Variants in TNN observed in about 807,000 individuals in gnomAD.
TNN encodes the protein tenascin-N.
A neutral mutation model predicts 134.4 loss-of-function variants in TNN; 122 were observed. The ratio of observed to expected loss-of-function variants is 0.91; its 90% confidence interval spans 0.78 to 1.06. The LOEUF (loss-of-function observed/expected upper bound fraction) is 1.06. Among genes scored for constraint, TNN ranks in the 50% least tolerant of loss-of-function variants. The pLI, the probability that TNN is intolerant of heterozygous loss-of-function variation, is 0.00. For missense variants in TNN, 1,739 were observed against 1,699.4 expected, an observed-to-expected ratio of 1.02 and a Z score of -0.41; for synonymous variants, 710 against 670.3, an observed-to-expected ratio of 1.06 and a Z score of -0.91.
chr1:175,087,600 C>A (rs1674347131), intron 6 of TNN, among the ~76,000 whole-genome samples: 1 of 152,220 alleles, frequency 6.6e-6, no homozygotes, highest in African/African-American at 2.4e-5. Context: ...CTTACACAGT[C>A]AACACAACAC....
At chr1:175,083,227 G>A (rs1164427297) in intron 4 of TNN, among the ~76,000 whole-genome samples, 2 of 152,190 alleles carry the variant, frequency 1.3e-5, no homozygotes, top group African/African-American at 4.8e-5. Context: ...AATTTGAGAG[G>A]CAAGGGCTGC....
At position 175,079,541 on chromosome 1, in the gene TNN, C is replaced by G. The variant is rs752100266; in HGVS notation, c.618C>G (p.Cys206Trp). ...GCTACCCGGCCTGCCCTGAGAACTGCAGCGGACACGGCGAGTGCGTGCGCG... is the reference window on the plus strand; with the variant it reads ...GCTACCCGGCCTGCCCTGAGAACTGGAGCGGACACGGCGAGTGCGTGCGCG... ...DCGYPACPEN[C>W]SGHGECVRGV... is the part of the protein sequence containing the mutation. The change falls in exon 3 of 19, where the codon TGC (cysteine) becomes TGG (tryptophan). Residue 206 changes from cysteine (C) to tryptophan (W), a missense_variant. By Grantham distance (215) the Cys-to-Trp change is radical (BLOSUM62 -2). Coordinates refer to ENST00000239462, the MANE Select transcript of TNN (RefSeq NM_022093.2). The G allele has an allele frequency of 1.9e-6, 3 of 1,568,866 alleles. No homozygotes were observed. Among genetic ancestry groups the G allele is most frequent in the Non-Finnish European group, 2.6e-6 (3 of 1,158,230 alleles).
chr1:175,081,736 A>G (rs933016862), intron 4 of TNN, among the ~76,000 whole-genome samples: 5 of 152,166 alleles, frequency 3.3e-5, no homozygotes, highest in African/African-American at 9.7e-5. Flanking sequence ...ACTGCACACT[A>G]TGGGGGACCA....
At chr1:175,122,692 G>A (rs1227748685) in intron 11 of TNN, among the ~76,000 whole-genome samples, 1 of 152,230 alleles carries the variant, frequency 6.6e-6, no homozygotes, top group Non-Finnish European at 1.5e-5. Flanking sequence ...GATGCAAACA[G>A]GATTGATTGG....
At chr1:175,069,858 T>C (rs527402008) in intron 1 of TNN, among the ~76,000 whole-genome samples, 1 of 152,340 alleles carries the variant, frequency 6.6e-6, no homozygotes, top group Admixed American at 6.5e-5. Flanking sequence ...AACGCTCTCC[T>C]CCTTGCTAGA....
chr1:175,142,809 C>T (rs1022016153), intron 17 of TNN, among the ~76,000 whole-genome samples: 3 of 151,934 alleles, frequency 2.0e-5, no homozygotes, highest in South Asian at 2.1e-4. Flanking sequence ...GTAGAGACGG[C>T]GTTTCACCAT....
intron 1 of TNN, among the ~76,000 whole-genome samples, chr1:175,072,169 T>G (rs1176956597): frequency 6.6e-6 from 1 of 152,178 alleles, no homozygotes; most frequent in Admixed American, 6.5e-5. Flanking sequence ...TGGTCAGTCG[T>G]GTACTCCTCA....
chr1:175,081,058 G>T (rs1674189268), intron 4 of TNN, among the ~76,000 whole-genome samples: 1 of 152,212 alleles, frequency 6.6e-6, no homozygotes, highest in African/African-American at 2.4e-5. Context: ...TGTCTCCAAA[G>T]AATTCTGTCT....
chr1:175,084,021 G>C, intron 5 of TNN, 86 bp downstream of exon 5: 1 of 1,360,370 alleles, frequency 7.4e-7, no homozygotes, highest in East Asian at 2.3e-5. Flanking sequence ...CATCTGCACT[G>C]CTCAAGTGTG....
In TNN at chr1:175,111,490, A is replaced by C. The variant is rs1290363242; in HGVS notation, c.2120-5449A>C. Among the ~76,000 whole-genome samples the C allele has an allele frequency of 1.6e-3, 90 of 54,866 alleles. 1 individual carries two copies. Among genetic ancestry groups the C allele is most frequent in the African/African-American group, 6.9e-3 (89 of 12,966 alleles). The allele number at this position is 54,866 out of a possible 152,430, so 36.0% of individuals were successfully genotyped here. ...AAACAGAGCGAGACTCTGTCTCAAAAAAAAAAAAAAAAAAAAAAAAAAAAA... is the reference window on the plus strand; with the variant it reads ...AAACAGAGCGAGACTCTGTCTCAAACAAAAAAAAAAAAAAAAAAAAAAAAA... On this transcript the variant is annotated intron_variant, in intron 9 of 18. Transcript: ENST00000239462.
chr1:175,091,922 C>A (rs73044972), intron 6 of TNN, among the ~76,000 whole-genome samples: 1 of 152,094 alleles, frequency 6.6e-6, no homozygotes, highest in Non-Finnish European at 1.5e-5. Context: ...CAGGCAGCAC[C>A]AACCCCACAA....
intron 7 of TNN, 32 bp from the exon 8 acceptor site, chr1:175,097,385 G>T: frequency 6.2e-7 from 1 of 1,612,906 alleles, no homozygotes. Context: ...GGGTGGTAAA[G>T]GCTACATTCT....
At chr1:175,090,030 G>C (rs1348639526) in intron 6 of TNN, among the ~76,000 whole-genome samples, 2 of 152,140 alleles carry the variant, frequency 1.3e-5, no homozygotes, top group African/African-American at 2.4e-5. Context: ...TCATTTGCGC[G>C]ATCACTGTAT....
At chr1:175,125,719 T>A (rs960358654) in intron 12 of TNN, among the ~76,000 whole-genome samples, 2 of 95,828 alleles carry the variant, frequency 2.1e-5, no homozygotes, top group Non-Finnish European at 3.9e-5. Flanking sequence ...CTTTCTTTCT[T>A]TCTTTCTTTC....
chr1:175,082,614 G>A (rs1028634323), intron 4 of TNN, among the ~76,000 whole-genome samples: 2 of 152,194 alleles, frequency 1.3e-5, no homozygotes, highest in Non-Finnish European at 2.9e-5. Context: ...GGCTCTGTGA[G>A]GCTCTTTATC....
chr1:175,128,962 T>C (rs1459076534), intron 15 of TNN, among the ~76,000 whole-genome samples: 2 of 152,104 alleles, frequency 1.3e-5, no homozygotes, highest in Non-Finnish European at 2.9e-5. Context: ...TTGGATCTCA[T>C]GTAAGAAAGA....
intron 9 of TNN, among the ~76,000 whole-genome samples, chr1:175,109,386 CCTAT>C (rs777689202): frequency 8.6e-5 from 13 of 151,992 alleles, no homozygotes; most frequent in Admixed American, 2.6e-4. Context: ...CCGGGCCCGG[CCTAT>C]CTAACTGTAT....
rs377143638 is a variant in TNN, at chr1:175,107,047, C to T, written c.2119+8452C>T. Among the ~76,000 whole-genome samples, 76 of 146,316 alleles carry T rather than the reference C, an allele frequency of 5.2e-4. 10 individuals are homozygous for T. In the Middle Eastern group the frequency reaches 0.01, roughly 20 times the overall value. On this transcript the variant is annotated intron_variant, in intron 9 of 18. Coordinates refer to ENST00000239462, the MANE Select transcript of TNN (RefSeq NM_022093.2). ...GCTTGGCGATTGGGAAAGGTCTCAC[C>T]GCTCGGCTATTGTCTCACCGCTTGG...
intron 1 of TNN, among the ~76,000 whole-genome samples, chr1:175,074,518 C>T (rs940477136): frequency 1.4e-5 from 2 of 145,924 alleles, no homozygotes; most frequent in East Asian, 2.0e-4. Context: ...AAGAAGTGTG[C>T]AGGCACTTAT....
Sources: gnomAD v4.1 joint callset for allele counts (sites outside exome capture counted in the v4.1 genomes callset) on GRCh38, gnomAD v4.1.1 for gene constraint, MANE v1.5 for transcripts, NCBI Gene and HGNC (gene_info 2026-07-23, HGNC 2026-07-21) for gene names.